The following CTDSPL2 variants were observed in gnomAD, a reference collection of about 807,000 sequenced individuals.
CTDSPL2 encodes the protein CTD small phosphatase-like protein 2.
In CTDSPL2, 5 loss-of-function variants were observed where a neutral mutation model predicts 60.0. The observed-to-expected ratio is 0.08, with a 90% CI of 0.04 to 0.18. The LOEUF (loss-of-function observed/expected upper bound fraction) is 0.18, where lower values mean the gene tolerates loss of function less well. Ranked by LOEUF, CTDSPL2 falls within the 10% of genes least tolerant of loss-of-function variation. The pLI is 1.00. For missense variants in CTDSPL2, 370 were observed against 548.8 expected (o/e 0.67, Z 3.26); for synonymous variants, 186 against 189.3 (o/e 0.98, Z 0.14).
At chr15:44,428,051 A>G (rs1009957816) in intron 1 of CTDSPL2, 5 of 192,230 alleles carry the variant, frequency 2.6e-5, no homozygotes, top group Non-Finnish European at 5.3e-5. Flanking sequence ...TCACTTTGCT[A>G]CCCACCCCCA....
At chr15:44,442,339 C>T (rs1042841645) in intron 1 of CTDSPL2, among the ~76,000 whole-genome samples, 3 of 151,244 alleles carry the variant, frequency 2.0e-5, no homozygotes, top group African/African-American at 4.9e-5. Flanking sequence ...CCCAGCTACT[C>T]GGGATGCTGA....
intron 2 of CTDSPL2, among the ~76,000 whole-genome samples, chr15:44,477,077 GA>G (rs1215052742): frequency 6.6e-6 from 1 of 152,138 alleles, no homozygotes; most frequent in Non-Finnish European, 1.5e-5. Flanking sequence ...TTTTAAAAAC[GA>G]ATTAGTCAAG....
At chr15:44,509,104 C>A (rs1284678287) in intron 8 of CTDSPL2, among the ~76,000 whole-genome samples, 1 of 151,898 alleles carries the variant, frequency 6.6e-6, no homozygotes, top group Non-Finnish European at 1.5e-5. Context: ...TTATATAATT[C>A]GATGTGAGTT....
Position 44,442,152 on chromosome 15 carries a change from GA to G in CTDSPL2, c.-25+14386del, listed in dbSNP as rs945851150. On this transcript the variant is annotated intron_variant, in intron 1 of 12. Coordinates refer to ENST00000260327, the MANE Select transcript of CTDSPL2 (RefSeq NM_016396.3). ...TTTCCTGTTACGAAATTCCTAGGGGGAAAAAACATATATTGTGGCCAGGTGC... is the reference window on the plus strand; with the variant it reads ...TTTCCTGTTACGAAATTCCTAGGGGGAAAAACATATATTGTGGCCAGGTGC... 2.0e-4 allele frequency among the ~76,000 whole-genome samples: 31 copies of G among 152,044 alleles called. 4 individuals carry two copies. Among genetic ancestry groups the G allele is most frequent in the East Asian group, 1.9e-3 (10 of 5,170 alleles).
rs182571652 is a variant in CTDSPL2, at chr15:44,438,180, C to T, written c.-25+10408C>T. On this transcript the variant is annotated intron_variant, in intron 1 of 12. Transcript: ENST00000260327. ...TCGGAAGGCTGGGGCAGGAGAATGG[C>T]GTGAACCCGGGAGGTGGAGCTTGCA... Among the ~76,000 whole-genome samples, 27 of 151,682 alleles carry T rather than the reference C, an allele frequency of 1.8e-4. 1 individual carries two copies. The highest frequency in any genetic ancestry group is 6.0e-4 in the African/African-American group (25 of 41,354).
intron 8 of CTDSPL2, among the ~76,000 whole-genome samples, chr15:44,507,363 C>T (rs1006598990): frequency 1.4e-4 from 22 of 152,338 alleles, no homozygotes; most frequent in East Asian, 7.7e-4. Flanking sequence ...GGATTGTAGG[C>T]GTGAGCCACT....
intron 2 of CTDSPL2, among the ~76,000 whole-genome samples, chr15:44,476,140 C>A (rs1322733810): frequency 1.3e-5 from 2 of 152,136 alleles, no homozygotes; most frequent in African/African-American, 4.8e-5. Context: ...ACGATCTCGG[C>A]TCACTGCCAG....
At chr15:44,512,656 AT>A (rs2081585805) in intron 8 of CTDSPL2, among the ~76,000 whole-genome samples, 1 of 152,230 alleles carries the variant, frequency 6.6e-6, no homozygotes, top group African/African-American at 2.4e-5. Flanking sequence ...CAGGATGAAA[AT>A]GTTAAAATTG....
At chr15:44,507,893 G>A (rs546236568) in intron 8 of CTDSPL2, among the ~76,000 whole-genome samples, 78 of 152,206 alleles carry the variant, frequency 5.1e-4, no homozygotes, top group Non-Finnish European at 1.1e-3. Flanking sequence ...GGTACTTTAC[G>A]TGTATTAACT....
At chr15:44,516,687 C>T (rs895569049) in intron 10 of CTDSPL2, 4 of 152,168 alleles carry the variant, frequency 2.6e-5, no homozygotes, top group Non-Finnish European at 4.4e-5. Flanking sequence ...CTTTCATTTA[C>T]TAATGAGGAA....
At chr15:44,445,642 GC>G (rs1302051372) in intron 1 of CTDSPL2, among the ~76,000 whole-genome samples, 19 of 149,010 alleles carry the variant, frequency 1.3e-4, no homozygotes, top group African/African-American at 4.2e-4. Context: ...CTTTTTTTTT[GC>G]TTTTTTTTTT....
intron 1 of CTDSPL2, among the ~76,000 whole-genome samples, chr15:44,455,785 T>C (rs2080423137): frequency 6.7e-6 from 1 of 150,302 alleles, no homozygotes. Context: ...TTGATCATGG[T>C]GGATAAGCTT....
intron 1 of CTDSPL2, among the ~76,000 whole-genome samples, chr15:44,431,722 T>TGTTTG (rs1567054228): frequency 6.7e-6 from 1 of 148,534 alleles, no homozygotes. Flanking sequence ...GTTTGTTTTT[T>TGTTTG]TTTTTTTTTT....
At chr15:44,454,868 C>T (rs941527329) in intron 1 of CTDSPL2, among the ~76,000 whole-genome samples, 1 of 152,184 alleles carries the variant, frequency 6.6e-6, no homozygotes, top group African/African-American at 2.4e-5. Context: ...CGTAATGCCT[C>T]CAGCTTTGTT....
rs1013704134 is a variant in CTDSPL2, at chr15:44,505,376, T to A, written c.969+5563T>A. Among the ~76,000 whole-genome samples the A allele has an allele frequency of 4.6e-5, 7 of 151,064 alleles. No homozygotes were observed. In the East Asian group the frequency reaches 1.4e-3, roughly 29 times the overall value. ...AGCTTCAGGCCCTAGTGAGCTGTGATCACGCCACTGCACTCCACCCTGGGT... is the reference window on the plus strand; with the variant it reads ...AGCTTCAGGCCCTAGTGAGCTGTGAACACGCCACTGCACTCCACCCTGGGT... On this transcript the variant is annotated intron_variant, in intron 8 of 12. Transcript: ENST00000260327.
At chr15:44,486,761 T>G in intron 4 of CTDSPL2, 61 bp downstream of exon 4, 8 of 1,111,072 alleles carry the variant, frequency 7.2e-6, no homozygotes, top group Non-Finnish European at 8.8e-6. Flanking sequence ...AGTTTGGGTT[T>G]TTTTTTTTTT....
At chr15:44,480,744 G>A (rs1332828295) in intron 2 of CTDSPL2, among the ~76,000 whole-genome samples, 1 of 151,968 alleles carries the variant, frequency 6.6e-6, no homozygotes, top group African/African-American at 2.4e-5. Context: ...GAGGCAGGAA[G>A]AATGCTTGAG....
intron 2 of CTDSPL2, among the ~76,000 whole-genome samples, chr15:44,480,021 G>A (rs2080996619): frequency 6.6e-6 from 1 of 151,946 alleles, no homozygotes; most frequent in Non-Finnish European, 1.5e-5. Context: ...TGTTTATTTG[G>A]AATTTCTCTG....
rs1191620795 is a variant in CTDSPL2 at position 44,526,167 on chromosome 15, A to G, written c.*1993A>G. 2.0e-5 allele frequency: 3 copies of G among 152,188 alleles called. No homozygotes were observed. The highest frequency in any genetic ancestry group is 2.9e-5 in the Non-Finnish European group (2 of 68,004). The allele number at this position is 152,188 out of a possible 1,614,324, so 9.4% of individuals were successfully genotyped here. On this transcript the variant is annotated 3_prime_UTR_variant, in exon 13 of 13. Coordinates refer to ENST00000260327, the MANE Select transcript of CTDSPL2 (RefSeq NM_016396.3). ...CTGTCTTTCTTGAAATAAAATGTAC[A>G]TACGTTACCTTTACATATGCTCTTG...
Sources: gnomAD v4.1 joint callset for allele counts (sites outside exome capture counted in the v4.1 genomes callset) on GRCh38, gnomAD v4.1.1 for gene constraint, MANE v1.5 for transcripts, NCBI Gene and HGNC (gene_info 2026-07-23, HGNC 2026-07-21) for gene names.